CSMD1: variants seen among roughly 807,000 people sequenced by gnomAD.
CSMD1 encodes CUB and Sushi multiple domains 1.
A neutral mutation model predicts 417.5 loss-of-function variants in CSMD1; 213 were observed. That is an observed-to-expected ratio of 0.51 (90% confidence interval 0.46 to 0.57). The LOEUF is 0.57. Among genes scored for constraint, CSMD1 ranks in the 20% least tolerant of loss-of-function variants. CSMD1 has a pLI of 0.00. For missense variants in CSMD1, 6,923 were observed against 4,529.7 expected, an observed-to-expected ratio of 1.53 and a Z score of -15.17; for synonymous variants, 2,862 against 1,736.8, an observed-to-expected ratio of 1.65 and a Z score of -16.11.
chr8:3,856,912 G>A (rs1006261977), intron 5 of CSMD1, among the ~76,000 whole-genome samples: 1 of 152,082 alleles, frequency 6.6e-6, no homozygotes, highest in Admixed American at 6.6e-5. Flanking sequence ...GACTGGAGGT[G>A]GTTTGCTACC....
intron 3 of CSMD1, among the ~76,000 whole-genome samples, chr8:4,386,974 A>G (rs979561940): frequency 1.4e-4 from 22 of 152,330 alleles, no homozygotes; most frequent in African/African-American, 4.3e-4. Flanking sequence ...ACGATTATCT[A>G]TTGTATGAAT....
chr8:4,115,874 T>G (rs1802107335), intron 3 of CSMD1, among the ~76,000 whole-genome samples: 1 of 152,080 alleles, frequency 6.6e-6, no homozygotes, highest in Non-Finnish European at 1.5e-5. Flanking sequence ...TATGACATTC[T>G]GGGAAAACAG....
At chr8:3,904,314 A>G (rs569329632) in intron 5 of CSMD1, among the ~76,000 whole-genome samples, 1 of 152,152 alleles carries the variant, frequency 6.6e-6, no homozygotes, top group South Asian at 2.1e-4. Context: ...TTTCATCCCA[A>G]CATCATCAAG....
chr8:3,039,537 C>T (rs938580250), intron 50 of CSMD1, among the ~76,000 whole-genome samples: 3 of 150,794 alleles, frequency 2.0e-5, no homozygotes, highest in African/African-American at 7.3e-5. Context: ...TTCCTTCCTT[C>T]TTTCCTTCCT....
intron 26 of CSMD1, among the ~76,000 whole-genome samples, chr8:3,270,976 G>A (rs901401358): frequency 4.0e-5 from 6 of 150,796 alleles, no homozygotes; most frequent in Non-Finnish European, 5.9e-5. Flanking sequence ...TGTGCACAAC[G>A]TACAGGTTAG....
chr8:4,398,093 A>G (rs1041251504), intron 3 of CSMD1, among the ~76,000 whole-genome samples: 1 of 152,180 alleles, frequency 6.6e-6, no homozygotes, highest in African/African-American at 2.4e-5. Flanking sequence ...CAAGGAAGAG[A>G]TATGCCATCT....
intron 10 of CSMD1, among the ~76,000 whole-genome samples, chr8:3,510,575 G>C (rs528322819): frequency 1.3e-5 from 2 of 151,786 alleles, no homozygotes; most frequent in East Asian, 3.9e-4. Flanking sequence ...AACACATTAC[G>C]TGGCACAAAA....
chr8:4,601,827 G>A (rs1291942069), intron 2 of CSMD1, among the ~76,000 whole-genome samples: 1 of 152,182 alleles, frequency 6.6e-6, no homozygotes, highest in African/African-American at 2.4e-5. Context: ...CATGTCTGAG[G>A]TTAGCGTGCA....
intron 42 of CSMD1, among the ~76,000 whole-genome samples, chr8:3,114,735 G>C (rs1816750925): frequency 6.6e-6 from 1 of 151,986 alleles, no homozygotes; most frequent in South Asian, 2.1e-4. Context: ...CTCTATTATT[G>C]GGAAAGATTA....
intron 3 of CSMD1, among the ~76,000 whole-genome samples, chr8:4,203,742 A>C (rs1799805359): frequency 6.6e-6 from 1 of 152,160 alleles, no homozygotes; most frequent in African/African-American, 2.4e-5. Flanking sequence ...ATGTACACGC[A>C]CATATACATA....
chr8:3,661,461 G>A (rs1364386892), intron 7 of CSMD1, among the ~76,000 whole-genome samples: 3 of 152,044 alleles, frequency 2.0e-5, no homozygotes, highest in Admixed American at 6.6e-5. Context: ...TCTAGGGGTT[G>A]CCTGACTTGC....
chr8:4,806,943 T>G (rs1428023032), intron 1 of CSMD1, among the ~76,000 whole-genome samples: 4 of 152,202 alleles, frequency 2.6e-5, no homozygotes, highest in Non-Finnish European at 5.9e-5. Flanking sequence ...AAGCTATTAT[T>G]TATGTTCAAT....
Position 4,803,285 on chromosome 8 carries a change from G to A in CSMD1, c.86-165727C>T, listed in dbSNP as rs78626670. 3.0e-3 allele frequency among the ~76,000 whole-genome samples: 452 copies of A among 152,218 alleles called. 5 individuals are homozygous for A. Among genetic ancestry groups the A allele is most frequent in the African/African-American group, 0.01 (431 of 41,540 alleles). On this transcript the variant is annotated intron_variant, in intron 1 of 69. Transcript: ENST00000635120. ...GAAATGTTATCCAAACAGAAACATC[G>A]ATAAAGCAATTCCCTTTAGTGTTCA... is the stretch of plus-strand genomic sequence containing the variant.
chr8:3,385,980 G>T (rs1810979822), intron 18 of CSMD1, among the ~76,000 whole-genome samples: 1 of 152,110 alleles, frequency 6.6e-6, no homozygotes, highest in Non-Finnish European at 1.5e-5. Context: ...AATTAAGAAT[G>T]TACATTTTAG....
intron 1 of CSMD1, among the ~76,000 whole-genome samples, chr8:4,722,833 C>G (rs1307618505): frequency 2.6e-5 from 4 of 152,082 alleles, no homozygotes; most frequent in Non-Finnish European, 1.5e-5. Flanking sequence ...GTCATAAATA[C>G]TACTGGAATG....
intron 26 of CSMD1, among the ~76,000 whole-genome samples, chr8:3,240,962 G>A (rs1799457996): frequency 6.6e-6 from 1 of 151,890 alleles, no homozygotes; most frequent in South Asian, 2.1e-4. Context: ...ATGGGATATT[G>A]GCATTGAGCA....
rs527834438 is a variant in CSMD1 at position 3,380,992 on chromosome 8, T to A, written c.2782+6502A>T. On this transcript the variant is annotated intron_variant, in intron 18 of 69. Transcript: ENST00000635120. ...GATGGTACTTGAATGCACAGGTATGTGAGAAGGTTGTTTTGAGAAAAACCT... is the reference window on the plus strand; with the variant it reads ...GATGGTACTTGAATGCACAGGTATGAGAGAAGGTTGTTTTGAGAAAAACCT... Among the ~76,000 whole-genome samples the A allele has an allele frequency of 6.6e-5, 10 of 152,300 alleles. No individual in the cohort carries two copies. The South Asian group carries it at 1.7e-3, about 25-fold the overall frequency.
intron 1 of CSMD1, among the ~76,000 whole-genome samples, chr8:4,970,630 G>C (rs980452174): frequency 2.0e-5 from 3 of 151,966 alleles, no homozygotes; most frequent in African/African-American, 4.8e-5. Flanking sequence ...TAGGAAGCTT[G>C]TGTGACTTAA....
intron 10 of CSMD1, among the ~76,000 whole-genome samples, chr8:3,509,351 C>A (rs1405805646): frequency 6.6e-6 from 1 of 152,134 alleles, no homozygotes; most frequent in Non-Finnish European, 1.5e-5. Flanking sequence ...GTTTCTTTAG[C>A]CAAGTCAACT....
Sources: allele counts gnomAD v4.1 joint callset (sites outside exome capture counted in the v4.1 genomes callset), GRCh38; gene constraint gnomAD v4.1.1; transcripts MANE v1.5; gene names NCBI Gene and HGNC (gene_info 2026-07-23, HGNC 2026-07-21).